Variants in PKP2 observed in about 807,000 individuals in gnomAD.
The protein encoded by PKP2 is plakophilin 2.
Under a neutral mutation model 83.4 loss-of-function variants are expected in PKP2, and 73 were observed. The observed-to-expected ratio is 0.88, with a 90% confidence interval of 0.72 to 1.06. The LOEUF is 1.06. Ranked by LOEUF, PKP2 falls within the 50% of genes least tolerant of loss-of-function variation. PKP2 has a pLI of 0.00. For missense variants in PKP2, 966 were observed against 1,065.4 expected (o/e 0.91, Z 1.30); for synonymous variants, 409 against 430.4 (o/e 0.95, Z 0.62).
At chr12:32,856,083 C>T (rs1226357211) in intron 4 of PKP2, among the ~76,000 whole-genome samples, 2 of 151,940 alleles carry the variant, frequency 1.3e-5, no homozygotes, top group African/African-American at 2.4e-5. Flanking sequence ...GGGTGCATTT[C>T]CTTTTTTGTT....
chr12:32,802,496 T>C lies in PKP2; in HGVS notation c.2074A>G (p.Lys692Glu), dbSNP rs779654873. Residue 692 changes from lysine to glutamate, a missense_variant, in exon 10 of 13, where the codon AAG becomes GAG. Coordinates refer to ENST00000340811, the MANE Select transcript of PKP2 (RefSeq NM_001005242.3). ...CTTGGGTCACCAACATGCAGCATCT[T>C]TCGGGTGTGCTGCAGGCCACTTTCC... ...QKESGLQHTR[K>E]MLHVGDPSVK... 4.3e-6 allele frequency: 7 copies of C among 1,613,830 alleles called. No individual in the cohort carries two copies. The East Asian group carries it at 1.3e-4, about 31-fold the overall frequency.
chr12:32,888,543 G>A (rs1477088430), intron 1 of PKP2, among the ~76,000 whole-genome samples: 2 of 151,128 alleles, frequency 1.3e-5, no homozygotes, highest in Non-Finnish European at 2.9e-5. Flanking sequence ...AGGCTGGAGT[G>A]CAATGGCACG....
intron 10 of PKP2, among the ~76,000 whole-genome samples, chr12:32,797,573 T>TTTTTTTTTTA (rs1956138962): frequency 2.0e-5 from 3 of 150,742 alleles, no homozygotes; most frequent in Non-Finnish European, 4.4e-5. Context: ...TTTTTTTTTT[T>TTTTTTTTTTA]GAAACAGAGT....
At chr12:32,860,262 A>C (rs1434797237) in intron 4 of PKP2, among the ~76,000 whole-genome samples, 1 of 152,190 alleles carries the variant, frequency 6.6e-6, no homozygotes, top group Non-Finnish European at 1.5e-5. Context: ...ACAGAAACAG[A>C]ACTCCTGAGA....
chr12:32,858,645 A>C (rs913791870), intron 4 of PKP2, among the ~76,000 whole-genome samples: 10 of 151,290 alleles, frequency 6.6e-5, no homozygotes, highest in African/African-American at 2.4e-4. Context: ...TGCATGATGA[A>C]AGATACAAAA....
chr12:32,822,646 C>T lies in PKP2; in HGVS notation c.1675-15G>A. ...TTCTCCGTGGCCTGAGAAAACAGGA[C>T]AAGAATATTGATCGTATACATATAG... On this transcript the variant is annotated splice_polypyrimidine_tract_variant and intron_variant, in intron 7 of 12. Transcript: ENST00000340811. 6.2e-7 allele frequency: 1 copy of T among 1,613,342 alleles called. No individual in the cohort carries two copies. The highest frequency in any genetic ancestry group is 8.5e-7 in the Non-Finnish European group (1 of 1,179,454).
chr12:32,842,115 C>T (rs928262249), intron 5 of PKP2, among the ~76,000 whole-genome samples: 18 of 152,074 alleles, frequency 1.2e-4, no homozygotes, highest in South Asian at 4.1e-4. Flanking sequence ...GTGGCATATA[C>T]GTTTAGGATT....
Position 32,877,886 on chromosome 12 carries a change from G to A in PKP2, c.994C>T (p.Leu332=), listed in dbSNP as rs1956945387. 1.2e-6 allele frequency: 2 copies of A among 1,614,032 alleles called. No individual in the cohort carries two copies. Among genetic ancestry groups the A allele is most frequent in the African/African-American group, 2.7e-5 (2 of 74,950 alleles). Residue 332 remains leucine (L), a synonymous_variant, in exon 3 of 13, where the codon CTG becomes TTG. Coordinates refer to ENST00000340811, the MANE Select transcript of PKP2 (RefSeq NM_001005242.3). ...GTGAAAGTGCTTCTCTCAGTGAGCAGATTCCCACTTCCCCCTGCGGCCGCC... is the reference window on the plus strand; with the variant it reads ...GTGAAAGTGCTTCTCTCAGTGAGCAAATTCCCACTTCCCCCTGCGGCCGCC... The part of the protein sequence containing the change: ...GQAAAGGSGN[L]LTERSTFTDS...
chr12:32,888,000 C>T (rs976266940), intron 1 of PKP2, among the ~76,000 whole-genome samples: 2 of 151,864 alleles, frequency 1.3e-5, no homozygotes, highest in African/African-American at 4.8e-5. Context: ...GGCAAAAAGG[C>T]AAAACCCCAT....
chr12:32,813,222 A>C (rs1956292289), intron 9 of PKP2, among the ~76,000 whole-genome samples: 1 of 152,184 alleles, frequency 6.6e-6, no homozygotes, highest in African/African-American at 2.4e-5. Context: ...CAAACAACCA[A>C]ACAAATGGAC....
intron 4 of PKP2, among the ~76,000 whole-genome samples, chr12:32,858,433 A>ACTAG (rs1956773730): frequency 6.6e-6 from 1 of 152,112 alleles, no homozygotes; most frequent in Non-Finnish European, 1.5e-5. Flanking sequence ...AATGTTCATC[A>ACTAG]CTAGCTAAAT....
chr12:32,837,108 T>C (rs1490278935), intron 6 of PKP2, among the ~76,000 whole-genome samples: 2 of 152,228 alleles, frequency 1.3e-5, no homozygotes, highest in Admixed American at 6.5e-5. Context: ...AACACTGAAA[T>C]GCTGATACAG....
chr12:32,841,533 C>T (rs73303630), intron 5 of PKP2, among the ~76,000 whole-genome samples: 6,223 of 152,220 alleles, frequency 0.041, 142 homozygotes, highest in African/African-American at 0.065. Context: ...CTGACCTGAC[C>T]GGGATAATAA....
At chr12:32,845,786 A>G (rs1956638889) in intron 5 of PKP2, among the ~76,000 whole-genome samples, 1 of 152,156 alleles carries the variant, frequency 6.6e-6, no homozygotes, top group Admixed American at 6.5e-5. Context: ...AAGTGGTCAA[A>G]GAGTGGGAGG....
chr12:32,886,135 C>T lies in PKP2; in HGVS notation c.224-7103G>A, dbSNP rs76810139. Among the ~76,000 whole-genome samples, 8 of 152,266 alleles carry T rather than the reference C, an allele frequency of 5.3e-5. 1 individual carries two copies. The highest frequency in any genetic ancestry group is 1.4e-4 in the African/African-American group (6 of 41,540). On this transcript the variant is annotated intron_variant, in intron 1 of 12. Coordinates refer to ENST00000340811, the MANE Select transcript of PKP2 (RefSeq NM_001005242.3). ...TGCTGCAGGTAATTGGGCTAACAAC[C>T]GTGAGCAGTTGTCCTCACAGTGTGG...
chr12:32,825,655 C>A (rs1428667408), intron 6 of PKP2, among the ~76,000 whole-genome samples: 1 of 152,186 alleles, frequency 6.6e-6, no homozygotes, highest in African/African-American at 2.4e-5. Flanking sequence ...GTAATCCCAG[C>A]ATTCTGGGAG....
intron 6 of PKP2, among the ~76,000 whole-genome samples, chr12:32,825,257 C>G (rs1398794816): frequency 6.7e-6 from 1 of 149,566 alleles, no homozygotes; most frequent in East Asian, 2.0e-4. Flanking sequence ...TAACCTCCAC[C>G]TCCCGGGTTC....
In PKP2 at chr12:32,875,176, C is replaced by T. The variant is rs140443098; in HGVS notation, c.1034+2670G>A. Reference sequence around the variant, plus strand: ...GAGAACAGATAAGCAAATGAATAGCCACAATATATTTTTCTGATAGAGACA... The same window carrying T: ...GAGAACAGATAAGCAAATGAATAGCTACAATATATTTTTCTGATAGAGACA... On this transcript the variant is annotated intron_variant, in intron 3 of 12. Transcript: ENST00000340811. 9.3e-4 allele frequency among the ~76,000 whole-genome samples: 142 copies of T among 152,132 alleles called. No individual in the cohort carries two copies. The East Asian group carries it at 0.024, about 26-fold the overall frequency.
chr12:32,865,402 T>C (rs1003119691), intron 4 of PKP2, among the ~76,000 whole-genome samples: 30 of 145,290 alleles, frequency 2.1e-4, no homozygotes, highest in Admixed American at 3.5e-4. Context: ...AAAAATCGGC[T>C]GGGTGCAGTG....
Sources: allele counts gnomAD v4.1 joint callset (sites outside exome capture counted in the v4.1 genomes callset), GRCh38; gene constraint gnomAD v4.1.1; transcripts MANE v1.5; gene names NCBI Gene and HGNC (gene_info 2026-07-23, HGNC 2026-07-21).